Variants in SNCAIP observed in about 807,000 individuals in gnomAD.
The protein encoded by SNCAIP is synphilin-1.
In SNCAIP, 43 loss-of-function variants were observed where a neutral mutation model predicts 86.7. The ratio of observed to expected loss-of-function variants is 0.50; its 90% CI spans 0.39 to 0.64. The LOEUF is 0.64. SNCAIP is among the 30% of genes least tolerant of loss of function. SNCAIP has a pLI of 0.00. For synonymous variants in SNCAIP, 417 were observed against 427.2 expected (o/e 0.98, Z 0.29); for missense variants, 981 against 1,103.1 (o/e 0.89, Z 1.57).
chr5:122,354,905 C>G (rs1176888293), intron 1 of SNCAIP, among the ~76,000 whole-genome samples: 1 of 151,998 alleles, frequency 6.6e-6, no homozygotes, highest in Admixed American at 6.6e-5. Context: ...ATTTCTTTTC[C>G]TTTAGGACTA....
At chr5:122,401,812 C>T (rs1240530295) in intron 2 of SNCAIP, among the ~76,000 whole-genome samples, 3 of 152,110 alleles carry the variant, frequency 2.0e-5, no homozygotes, top group African/African-American at 4.8e-5. Context: ...ATGTAAACCT[C>T]GTCAAATTAA....
chr5:122,376,882 C>T (rs1242862607), intron 1 of SNCAIP, among the ~76,000 whole-genome samples: 1 of 152,132 alleles, frequency 6.6e-6, no homozygotes, highest in Non-Finnish European at 1.5e-5. Flanking sequence ...AATGCCATCT[C>T]AGACTACGCA....
Position 122,450,898 on chromosome 5 carries a change from ACT to A in SNCAIP, c.2054_2055del (p.Ser685Ter). 1 of 1,614,072 alleles carries A rather than the reference ACT, an allele frequency of 6.2e-7. No homozygotes were observed. The highest frequency in any genetic ancestry group is 8.5e-7 in the Non-Finnish European group (1 of 1,179,994). ...AGTGAGTCTGACACAGACTCCAACAACTCTGAGGACCCCAAGACTACCCCAGT... is the reference window on the plus strand; with the variant it reads ...AGTGAGTCTGACACAGACTCCAACAACTGAGGACCCCAAGACTACCCCAGT... On this transcript the variant is annotated frameshift_variant, in exon 10 of 11. Transcript: ENST00000261368. LOFTEE classifies it high-confidence loss of function.
At chr5:122,313,340 C>T (rs150611086) in intron 1 of SNCAIP, among the ~76,000 whole-genome samples, 3 of 152,372 alleles carry the variant, frequency 2.0e-5, no homozygotes, top group Admixed American at 2.0e-4. Context: ...CGCCACACAC[C>T]ACGTGCCGTG....
At chr5:122,333,201 C>T (rs111891876) in intron 1 of SNCAIP, among the ~76,000 whole-genome samples, 2 of 152,168 alleles carry the variant, frequency 1.3e-5, no homozygotes, top group African/African-American at 4.8e-5. Context: ...CTGAGCTTTT[C>T]AAATTGCTGG....
chr5:122,405,486 G>T (rs1236087152), intron 3 of SNCAIP, among the ~76,000 whole-genome samples: 1 of 152,066 alleles, frequency 6.6e-6, no homozygotes, highest in Non-Finnish European at 1.5e-5. Context: ...GTACTATTAG[G>T]ATATTTATAT....
In SNCAIP at chr5:122,343,274, T is replaced by G. The variant is rs560014138; in HGVS notation, c.-47+30990T>G. On this transcript the variant is annotated intron_variant, in intron 1 of 10. Coordinates refer to ENST00000261368, the MANE Select transcript of SNCAIP (RefSeq NM_005460.4). ...TGAACTGTTGCCCATTAAGTCGTTT[T>G]CTCATGTTTCCCCCTCACCTCCCAT... 2.5e-4 allele frequency among the ~76,000 whole-genome samples: 38 copies of G among 152,332 alleles called. 1 individual carries two copies. Among genetic ancestry groups the G allele is most frequent in the Middle Eastern group, 6.8e-3 (2 of 294 alleles).
At chr5:122,333,718 A>C (rs2152703228) in intron 1 of SNCAIP, among the ~76,000 whole-genome samples, 1 of 152,344 alleles carries the variant, frequency 6.6e-6, no homozygotes, top group South Asian at 2.1e-4. Context: ...CTGCCAAATT[A>C]AGTCAAGACA....
intron 1 of SNCAIP, among the ~76,000 whole-genome samples, chr5:122,349,235 C>T (rs953789079): frequency 4.6e-5 from 7 of 152,292 alleles, no homozygotes; most frequent in Non-Finnish European, 1.5e-5. Flanking sequence ...TCTGGTTACA[C>T]ATTAAAATTG....
In SNCAIP at chr5:122,391,088, G is replaced by A; in HGVS notation, c.-46-1G>A. The A allele has an allele frequency of 6.6e-7, 1 of 1,505,640 alleles. No homozygotes were observed. The highest frequency in any genetic ancestry group is 9.2e-7 in the Non-Finnish European group (1 of 1,081,376). 93.3% of individuals were successfully genotyped at this position (1,505,640 alleles called of 1,614,324 possible). On this transcript the variant is annotated splice_acceptor_variant, in intron 1 of 10. Coordinates refer to ENST00000261368, the MANE Select transcript of SNCAIP (RefSeq NM_005460.4). LOFTEE classifies it low-confidence loss of function (5UTR_SPLICE). ...TTCTTTTCTGCTTCTGTCTCGTTCA[G>A]GAATTTATAAGTATTTGACCGTACT...
chr5:122,437,866 G>T (rs1352808102), intron 6 of SNCAIP, among the ~76,000 whole-genome samples: 1 of 152,166 alleles, frequency 6.6e-6, no homozygotes, highest in East Asian at 1.9e-4. Context: ...CGAGGTCCTA[G>T]ACTCTCCCCA....
At chr5:122,459,294 C>A (rs1378962273) in intron 10 of SNCAIP, among the ~76,000 whole-genome samples, 1 of 152,170 alleles carries the variant, frequency 6.6e-6, no homozygotes, top group Non-Finnish European at 1.5e-5. Context: ...CTGTAAGTTG[C>A]AGTCTGGTCA....
intron 10 of SNCAIP, among the ~76,000 whole-genome samples, chr5:122,461,350 T>C (rs529329733): frequency 6.6e-6 from 1 of 152,274 alleles, no homozygotes; most frequent in Admixed American, 6.5e-5. Context: ...TCAGCAAGCT[T>C]TTTCAATCTG....
chr5:122,414,428 A>T lies in SNCAIP; in HGVS notation c.131-8440A>T, dbSNP rs568225564. 2.8e-4 allele frequency among the ~76,000 whole-genome samples: 42 copies of T among 152,090 alleles called. 1 individual carries two copies. The highest frequency in any genetic ancestry group is 1.4e-3 in the Admixed American group (22 of 15,274). ...GTATGTTTAATAGAGATGGGGTTTC[A>T]CCATGTTGGCCAGGCTGGTCATGAA... On this transcript the variant is annotated intron_variant, in intron 3 of 10. Coordinates refer to ENST00000261368, the MANE Select transcript of SNCAIP (RefSeq NM_005460.4).
chr5:122,396,706 A>C (rs923390232), intron 2 of SNCAIP, among the ~76,000 whole-genome samples: 1 of 152,152 alleles, frequency 6.6e-6, no homozygotes, highest in African/African-American at 2.4e-5. Context: ...CACATTATGA[A>C]GTCAGGTTAA....
chr5:122,418,880 G>A (rs1561717523), intron 3 of SNCAIP, among the ~76,000 whole-genome samples: 1 of 152,126 alleles, frequency 6.6e-6, no homozygotes, highest in Non-Finnish European at 1.5e-5. Context: ...GTTAACTCAG[G>A]ACTGAAAAAA....
chr5:122,399,099 T>C (rs955710766), intron 2 of SNCAIP, among the ~76,000 whole-genome samples: 11 of 152,138 alleles, frequency 7.2e-5, no homozygotes, highest in African/African-American at 2.7e-4. Context: ...TCCTTTCCTT[T>C]CTATTCCCAG....
At chr5:122,404,299 G>A (rs1368279908) in intron 3 of SNCAIP, among the ~76,000 whole-genome samples, 6 of 152,154 alleles carry the variant, frequency 3.9e-5, no homozygotes, top group Admixed American at 3.3e-4. Context: ...TCAGAGATGC[G>A]ACATGATAGA....
At chr5:122,403,111 A>T (rs562165462) in intron 2 of SNCAIP, among the ~76,000 whole-genome samples, 13 of 152,258 alleles carry the variant, frequency 8.5e-5, no homozygotes, top group African/African-American at 3.1e-4. Flanking sequence ...ATCATAATTT[A>T]TCCTGAAAGC....
Sources: gnomAD v4.1 joint callset for allele counts (sites outside exome capture counted in the v4.1 genomes callset) on GRCh38, gnomAD v4.1.1 for gene constraint, MANE v1.5 for transcripts, NCBI Gene and HGNC (gene_info 2026-07-23, HGNC 2026-07-21) for gene names.